Variants in GRIA4 observed in about 807,000 individuals in gnomAD.
The protein encoded by GRIA4 is glutamate ionotropic receptor AMPA type subunit 4.
GRIA4 carries 34 observed loss-of-function variants against 104.0 expected under a neutral mutation model. The observed-to-expected ratio is 0.33, with a 90% CI of 0.25 to 0.44. GRIA4 has a LOEUF of 0.44. Ranked by LOEUF, GRIA4 falls within the 20% of genes least tolerant of loss-of-function variation. The pLI, the probability that GRIA4 is intolerant of heterozygous loss-of-function variation, is 1.00. For synonymous variants in GRIA4, 386 were observed against 381.9 expected (o/e 1.01, Z -0.13); for missense variants, 750 against 1,096.5 (o/e 0.68, Z 4.46).
At chr11:105,823,774 T>C (rs1943662917) in intron 4 of GRIA4, among the ~76,000 whole-genome samples, 2 of 152,120 alleles carry the variant, frequency 1.3e-5, no homozygotes. Flanking sequence ...TAATTATTAA[T>C]GCATGTTTCA....
At chr11:105,898,571 C>T (rs1946745658) in intron 7 of GRIA4, 144 bp downstream of exon 7, 1 of 607,596 alleles carries the variant, frequency 1.6e-6, no homozygotes, top group South Asian at 2.2e-5. Context: ...CTGCCTTGCA[C>T]ATGCTCTTAA....
At chr11:105,830,996 T>C (rs566606459) in intron 4 of GRIA4, among the ~76,000 whole-genome samples, 43 of 151,962 alleles carry the variant, frequency 2.8e-4, no homozygotes, top group South Asian at 1.0e-3. Context: ...ACACATTTTT[T>C]ATTTATCTAT....
chr11:105,844,407 C>T (rs1944507138), intron 4 of GRIA4, among the ~76,000 whole-genome samples: 1 of 152,184 alleles, frequency 6.6e-6, no homozygotes, highest in African/African-American at 2.4e-5. Context: ...AATATTGAGA[C>T]ATAGTAAATT....
At chr11:105,624,953 A>C (rs1001998062) in intron 3 of GRIA4, among the ~76,000 whole-genome samples, 1 of 152,120 alleles carries the variant, frequency 6.6e-6, no homozygotes, top group African/African-American at 2.4e-5. Context: ...GAATATATAT[A>C]CTTTTAGACT....
intron 7 of GRIA4, among the ~76,000 whole-genome samples, chr11:105,903,235 T>C (rs1342574921): frequency 6.6e-6 from 1 of 152,218 alleles, no homozygotes; most frequent in African/African-American, 2.4e-5. Flanking sequence ...TAGTCACTGA[T>C]GCATACACAT....
chr11:105,659,105 G>GAA lies in GRIA4; in HGVS notation c.247+46673_247+46674dup, dbSNP rs1331399597. Among the ~76,000 whole-genome samples, 15 of 152,090 alleles carry GAA rather than the reference G, an allele frequency of 9.9e-5. No homozygotes were observed. The South Asian group carries it at 2.5e-3, about 25-fold the overall frequency. On this transcript the variant is annotated intron_variant, in intron 3 of 16. Coordinates refer to ENST00000282499, the MANE Select transcript of GRIA4 (RefSeq NM_000829.4). ...AAAGTCCAAGGAAACTCATGAAACA[G>GAA]AAATACCTGAGGGTTCCAGTGCATT...
intron 3 of GRIA4, among the ~76,000 whole-genome samples, chr11:105,658,791 G>A (rs1435417246): frequency 6.6e-6 from 1 of 151,816 alleles, no homozygotes; most frequent in East Asian, 1.9e-4. Context: ...TTATTTGTGA[G>A]AAAGTAACAA....
At chr11:105,831,096 C>T (rs1943957839) in intron 4 of GRIA4, among the ~76,000 whole-genome samples, 1 of 151,962 alleles carries the variant, frequency 6.6e-6, no homozygotes, top group South Asian at 2.1e-4. Context: ...AGTTCTGCTC[C>T]TGTGATGATG....
At chr11:105,642,845 A>C (rs950632080) in intron 3 of GRIA4, among the ~76,000 whole-genome samples, 5 of 152,206 alleles carry the variant, frequency 3.3e-5, no homozygotes, top group Non-Finnish European at 7.3e-5. Context: ...ATGTCAGTCC[A>C]TTCTGATACT....
chr11:105,866,385 G>A (rs1404348321), intron 5 of GRIA4, among the ~76,000 whole-genome samples: 1 of 151,274 alleles, frequency 6.6e-6, no homozygotes, highest in Non-Finnish European at 1.5e-5. Flanking sequence ...GACCTTTTCT[G>A]GATATTTATT....
chr11:105,718,872 G>A (rs746197282), intron 3 of GRIA4, among the ~76,000 whole-genome samples: 1 of 152,122 alleles, frequency 6.6e-6, no homozygotes, highest in African/African-American at 2.4e-5. Context: ...CCTTGAGCAG[G>A]ATTCTTGTCA....
chr11:105,716,513 T>C (rs1591128373), intron 3 of GRIA4, among the ~76,000 whole-genome samples: 1 of 152,158 alleles, frequency 6.6e-6, no homozygotes, highest in African/African-American at 2.4e-5. Context: ...ACCTAAATTA[T>C]CTAAGTTGTA....
intron 4 of GRIA4, among the ~76,000 whole-genome samples, chr11:105,818,424 A>G (rs1202055048): frequency 2.0e-5 from 3 of 152,156 alleles, no homozygotes; most frequent in African/African-American, 7.2e-5. Flanking sequence ...GCTGGTCACA[A>G]TTCCATCCAT....
chr11:105,890,381 G>A (rs758080622), intron 6 of GRIA4, among the ~76,000 whole-genome samples: 2 of 152,124 alleles, frequency 1.3e-5, no homozygotes, highest in African/African-American at 2.4e-5. Context: ...CTGAAATACA[G>A]AAAGCAGATT....
chr11:105,666,366 T>C (rs1712730959), intron 3 of GRIA4, among the ~76,000 whole-genome samples: 1 of 151,978 alleles, frequency 6.6e-6, no homozygotes, highest in South Asian at 2.1e-4. Context: ...AACTATTCCA[T>C]GGAGAGGTAA....
At chr11:105,798,796 A>G (rs963104086) in intron 4 of GRIA4, among the ~76,000 whole-genome samples, 2 of 152,152 alleles carry the variant, frequency 1.3e-5, no homozygotes, top group African/African-American at 4.8e-5. Context: ...CAGAAAACAG[A>G]ATTGTCATTA....
intron 3 of GRIA4, among the ~76,000 whole-genome samples, chr11:105,725,992 T>A (rs572651599): frequency 6.6e-6 from 1 of 152,240 alleles, no homozygotes; most frequent in South Asian, 2.1e-4. Context: ...CTGAGCTAGC[T>A]GCAGGAGTTT....
intron 3 of GRIA4, among the ~76,000 whole-genome samples, chr11:105,644,454 A>T (rs1591491581): frequency 7.1e-6 from 1 of 141,534 alleles, no homozygotes; most frequent in Admixed American, 7.2e-5. Flanking sequence ...AAAAAAAAAA[A>T]TTAGCCTGGT....
chr11:105,763,051 A>C (rs1481214342), intron 4 of GRIA4, among the ~76,000 whole-genome samples: 1 of 152,192 alleles, frequency 6.6e-6, no homozygotes, highest in Non-Finnish European at 1.5e-5. Flanking sequence ...GTGCTAACTT[A>C]AGTTGAGTAA....
Sources: allele counts gnomAD v4.1 joint callset (sites outside exome capture counted in the v4.1 genomes callset), GRCh38; gene constraint gnomAD v4.1.1; transcripts MANE v1.5; gene names NCBI Gene and HGNC (gene_info 2026-07-23, HGNC 2026-07-21).